The following SLC2A12 variants were observed in gnomAD, a reference collection of about 807,000 sequenced individuals.
SLC2A12 encodes the protein solute carrier family 2 member 12.
SLC2A12 carries 23 observed loss-of-function variants against 41.8 expected under a neutral mutation model. The ratio of observed to expected loss-of-function variants is 0.55; its 90% CI spans 0.40 to 0.78. The LOEUF is 0.78. Among genes scored for constraint, SLC2A12 ranks in the 30% least tolerant of loss-of-function variants. SLC2A12 has a pLI of 0.00. For synonymous variants in SLC2A12, 295 were observed against 285.9 expected (o/e 1.03, Z -0.32); for missense variants, 654 against 745.6 (o/e 0.88, Z 1.43).
chr6:134,042,385 G>A (rs1478933508), intron 1 of SLC2A12, among the ~76,000 whole-genome samples: 2 of 152,188 alleles, frequency 1.3e-5, no homozygotes, highest in African/African-American at 2.4e-5. Context: ...TAAGCTCACC[G>A]TTATCATGTT....
chr6:134,005,771 G>A (rs1776805872), intron 3 of SLC2A12, among the ~76,000 whole-genome samples: 1 of 143,992 alleles, frequency 6.9e-6, no homozygotes, highest in African/African-American at 2.6e-5. Flanking sequence ...ATTATTACAA[G>A]CAATTCTGCC....
chr6:134,046,204 T>C (rs1338788181), intron 1 of SLC2A12, among the ~76,000 whole-genome samples: 1 of 152,214 alleles, frequency 6.6e-6, no homozygotes, highest in Non-Finnish European at 1.5e-5. Context: ...AGACATTTTG[T>C]ATAAAATAAT....
At chr6:134,013,714 T>C (rs903619942) in intron 2 of SLC2A12, among the ~76,000 whole-genome samples, 3 of 152,238 alleles carry the variant, frequency 2.0e-5, no homozygotes, top group Admixed American at 6.5e-5. Context: ...ATAGTGCTGA[T>C]AACTTGATTA....
chr6:134,008,711 C>G (rs1023001256), intron 2 of SLC2A12, among the ~76,000 whole-genome samples: 5 of 152,282 alleles, frequency 3.3e-5, no homozygotes, highest in Middle Eastern at 3.4e-3. Context: ...AAGACCTGTC[C>G]TCGGACAAAT....
chr6:134,019,397 G>A (rs940909151), intron 2 of SLC2A12, among the ~76,000 whole-genome samples: 2 of 152,158 alleles, frequency 1.3e-5, no homozygotes, highest in Non-Finnish European at 2.9e-5. Context: ...TCTTCACAAT[G>A]TCAAGAATCT....
At chr6:134,005,710 G>C (rs1004339706) in intron 3 of SLC2A12, among the ~76,000 whole-genome samples, 1 of 134,800 alleles carries the variant, frequency 7.4e-6, no homozygotes, top group African/African-American at 2.8e-5. Context: ...CCCTTCTGCT[G>C]CTCTCTATCC....
chr6:134,028,276 C>G lies in SLC2A12; in HGVS notation c.1444+105G>C. On this transcript the variant is annotated intron_variant, in intron 2 of 4. Coordinates refer to ENST00000275230, the MANE Select transcript of SLC2A12 (RefSeq NM_145176.3). ...TGCATTAGAAGGAACATCAGATGAC[C>G]AATGTTATCCTTGTCTTCCTTCTAG... is the stretch of plus-strand genomic sequence containing the variant. The G allele has an allele frequency of 1.4e-6, 2 of 1,406,844 alleles. 1 individual carries two copies. Among genetic ancestry groups the G allele is most frequent in the South Asian group, 2.9e-5 (2 of 68,006 alleles). 87.1% of individuals were successfully genotyped at this position (1,406,844 alleles called of 1,614,324 possible). A position where few individuals can be genotyped will look rare whatever the true frequency, so the allele number is the denominator to read the frequency against.
intron 1 of SLC2A12, among the ~76,000 whole-genome samples, chr6:134,034,890 T>A (rs1777271420): frequency 1.3e-5 from 2 of 152,138 alleles, no homozygotes. Flanking sequence ...TGCTCATGGC[T>A]TTGCTTCACA....
chr6:133,994,713 C>T (rs538962520), intron 4 of SLC2A12, among the ~76,000 whole-genome samples: 84 of 152,246 alleles, frequency 5.5e-4, no homozygotes, highest in African/African-American at 2.0e-3. Context: ...GAGCGAGACT[C>T]CATCTCAAAC....
chr6:134,030,136 G>A (rs908021168), intron 1 of SLC2A12, among the ~76,000 whole-genome samples: 5 of 152,162 alleles, frequency 3.3e-5, no homozygotes, highest in Admixed American at 6.5e-5. Context: ...GCAAATCTTT[G>A]AGGGCAGGAG....
Position 134,029,099 on chromosome 6 carries a change from T to C in SLC2A12, c.726A>G (p.Ala242=), listed in dbSNP as rs1017730054. 1.1e-5 allele frequency: 17 copies of C among 1,614,010 alleles called. No homozygotes were observed. In the African/African-American group the frequency reaches 2.1e-4, roughly 20 times the overall value. The change falls in exon 2 of 5, where the codon GCA becomes GCG. Residue 242 remains alanine, a synonymous_variant. Coordinates refer to ENST00000275230, the MANE Select transcript of SLC2A12 (RefSeq NM_145176.3). ...TGAGTTCCTCAGTTGTATCTGAGAG[T>C]GCTCTTAACCTTCCAAGAACCTTGC... ...AASKVLGRLR[A]LSDTTEELTV... is the part of the protein sequence containing the mutation.
At position 134,002,114 on chromosome 6, in the gene SLC2A12, G is replaced by A; in HGVS notation, c.1583C>T (p.Pro528Leu). ...FLTVTDLIGL[P>L]WVCFIYTIMS... ...GATTGTATATATAAAGCACACCCATGGCAGGCCAATAAGATCTATAAAGGA... is the reference window on the plus strand; with the variant it reads ...GATTGTATATATAAAGCACACCCATAGCAGGCCAATAAGATCTATAAAGGA... The change falls in exon 4 of 5, where the codon CCA becomes CTA. Residue 528 changes from proline (P) to leucine (L), a missense_variant. This residue lies in a region of SLC2A12 where 134 missense variants were observed against 180.5 expected (regional missense o/e 0.74). Coordinates refer to ENST00000275230, the MANE Select transcript of SLC2A12 (RefSeq NM_145176.3). 1.3e-6 allele frequency: 2 copies of A among 1,595,900 alleles called. No homozygotes were observed. Among genetic ancestry groups the A allele is most frequent in the South Asian group, 1.1e-5 (1 of 87,546 alleles).
Position 134,020,846 on chromosome 6 carries a change from C to T in SLC2A12, c.1444+7535G>A, listed in dbSNP as rs1777030599. 1.3e-5 allele frequency among the ~76,000 whole-genome samples: 2 copies of T among 152,170 alleles called. 1 individual carries two copies. Among genetic ancestry groups the T allele is most frequent in the South Asian group, 4.1e-4 (2 of 4,826 alleles). On this transcript the variant is annotated intron_variant, in intron 2 of 4. Coordinates refer to ENST00000275230, the MANE Select transcript of SLC2A12 (RefSeq NM_145176.3). ...TTTCCTAGATCCAAACTTCCTTCAA[C>T]CCTGAGATTCTCCAACTCGTTGGCA...
At chr6:134,026,098 CT>C (rs1375853334) in intron 2 of SLC2A12, among the ~76,000 whole-genome samples, 1 of 152,168 alleles carries the variant, frequency 6.6e-6, no homozygotes, top group Non-Finnish European at 1.5e-5. Flanking sequence ...GACATATACC[CT>C]TTTAACCTGA....
At chr6:134,004,290 T>G (rs1776785351) in intron 3 of SLC2A12, among the ~76,000 whole-genome samples, 1 of 152,200 alleles carries the variant, frequency 6.6e-6, no homozygotes, top group Admixed American at 6.5e-5. Context: ...GTGTGTGATC[T>G]GAGTAGGACC....
intron 3 of SLC2A12, among the ~76,000 whole-genome samples, chr6:134,004,439 A>ATATG (rs2114429619): frequency 6.6e-6 from 1 of 152,340 alleles, no homozygotes; most frequent in African/African-American, 2.4e-5. Flanking sequence ...TACTAAATAT[A>ATATG]TATGTATGTA....
At chr6:134,013,574 A>G (rs1298111645) in intron 2 of SLC2A12, among the ~76,000 whole-genome samples, 2 of 152,166 alleles carry the variant, frequency 1.3e-5, no homozygotes, top group Non-Finnish European at 2.9e-5. Flanking sequence ...ATAACATGAT[A>G]CATTTCTACT....
chr6:134,001,886 G>T, intron 4 of SLC2A12, 111 bp downstream of exon 4: 1 of 1,189,016 alleles, frequency 8.4e-7, no homozygotes. Flanking sequence ...TAAAGGGAAT[G>T]TCCTAATCTA....
At chr6:134,030,686 G>A (rs944021180) in intron 1 of SLC2A12, among the ~76,000 whole-genome samples, 3 of 152,212 alleles carry the variant, frequency 2.0e-5, no homozygotes, top group Non-Finnish European at 2.9e-5. Context: ...TTCTCATTAT[G>A]TTTTAGGAAC....
Sources: allele counts gnomAD v4.1 joint callset (sites outside exome capture counted in the v4.1 genomes callset), GRCh38; gene constraint gnomAD v4.1.1; regional missense constraint gnomAD v4.1.1; transcripts MANE v1.5; gene names NCBI Gene and HGNC (gene_info 2026-07-23, HGNC 2026-07-21).